Variants in GRAMD1C observed in about 807,000 individuals in gnomAD.
GRAMD1C encodes GRAM domain containing 1C, also known as protein Aster-C.
In GRAMD1C, 89 loss-of-function variants were observed where a neutral mutation model predicts 97.8. That is an observed-to-expected ratio of 0.91 (90% CI 0.77 to 1.09). The LOEUF is 1.09. GRAMD1C is among the 50% of genes least tolerant of loss of function. The probability of loss-of-function intolerance (pLI) is 0.00; values close to 1 mark genes in which losing one functional copy is unlikely to be tolerated. For missense variants in GRAMD1C, 740 were observed against 766.4 expected, an observed-to-expected ratio of 0.97 and a Z score of 0.41; for synonymous variants, 256 against 267.0, an observed-to-expected ratio of 0.96 and a Z score of 0.40.
intron 5 of GRAMD1C, among the ~76,000 whole-genome samples, chr3:113,878,374 A>ATT (rs559908366): frequency 6.1e-4 from 93 of 152,144 alleles, no homozygotes; most frequent in Middle Eastern, 3.4e-3. Context: ...GGGATCAACC[A>ATT]TTTCTCCAAG....
At chr3:113,938,386 G>A (rs1937624286) in intron 15 of GRAMD1C, 3 of 323,390 alleles carry the variant, frequency 9.3e-6, no homozygotes, top group East Asian at 1.1e-4. Flanking sequence ...TTATTTTTTA[G>A]CTAATCTGAT....
chr3:113,879,199 C>T lies in GRAMD1C; in HGVS notation c.459+2939C>T, dbSNP rs565512983. Among the ~76,000 whole-genome samples, 4 of 88,968 alleles carry T rather than the reference C, an allele frequency of 4.5e-5. No individual in the cohort carries two copies. In the Admixed American group the frequency reaches 4.6e-4, roughly 10 times the overall value. The allele number at this position is 88,968 out of a possible 152,430, so 58.4% of individuals were successfully genotyped here. A position where few individuals can be genotyped will look rare whatever the true frequency, so the allele number is the denominator to read the frequency against. The stretch of plus-strand genomic sequence containing the variant: ...CAGCCTGGGTGACAGAGTGAGACTC[C>T]GTCTCAAAAAAAAAAAACCAAAAAA... On this transcript the variant is annotated intron_variant, in intron 5 of 17. Transcript: ENST00000358160.
At chr3:113,851,361 G>A (rs1024128661) in intron 2 of GRAMD1C, among the ~76,000 whole-genome samples, 12 of 152,048 alleles carry the variant, frequency 7.9e-5, no homozygotes, top group African/African-American at 2.4e-4. Flanking sequence ...ATTAGAGTTC[G>A]AATTGATTTT....
intron 10 of GRAMD1C, among the ~76,000 whole-genome samples, chr3:113,918,084 A>G (rs1323049985): frequency 2.0e-5 from 3 of 152,094 alleles, no homozygotes; most frequent in Non-Finnish European, 4.4e-5. Context: ...ATTATTGATG[A>G]TAGAGTAGCA....
At chr3:113,896,114 T>C (rs1434091495) in intron 6 of GRAMD1C, among the ~76,000 whole-genome samples, 1 of 152,164 alleles carries the variant, frequency 6.6e-6, no homozygotes, top group Non-Finnish European at 1.5e-5. Flanking sequence ...CTCCTCTCCC[T>C]GCCTCACTCT....
chr3:113,859,934 T>C (rs1240939367), intron 2 of GRAMD1C, among the ~76,000 whole-genome samples: 1 of 152,218 alleles, frequency 6.6e-6, no homozygotes, highest in Non-Finnish European at 1.5e-5. Flanking sequence ...CCAAAGCTAA[T>C]TGTAATTCTA....
At chr3:113,855,499 T>A (rs1934086831) in intron 2 of GRAMD1C, among the ~76,000 whole-genome samples, 1 of 150,818 alleles carries the variant, frequency 6.6e-6, no homozygotes, top group South Asian at 2.1e-4. Flanking sequence ...AGGCCAGGAG[T>A]TCGAGATCAG....
chr3:113,930,913 A>G (rs757739735), intron 11 of GRAMD1C, 81 bp downstream of exon 11: 10 of 699,020 alleles, frequency 1.4e-5, no homozygotes, highest in Admixed American at 9.1e-5. Context: ...CCAATTTACA[A>G]GACAGTTTCA....
In GRAMD1C at chr3:113,844,565, T is replaced by C; in HGVS notation, c.90T>C (p.Pro30=). Residue 30 remains proline (P), a synonymous_variant, in exon 2 of 18, where the codon CCT becomes CCC. Coordinates refer to ENST00000358160, the MANE Select transcript of GRAMD1C (RefSeq NM_017577.5). ...TDLQEDVEEN[P]SPTVEENNVV... is the part of the protein sequence containing the mutation. The stretch of plus-strand genomic sequence containing the variant: ...TACAGGAAGATGTAGAGGAAAATCC[T>C]AGTCCAACTGTGGAAGAGAATAATG... The C allele has an allele frequency of 2.5e-6, 4 of 1,604,440 alleles. No individual in the cohort carries two copies. Among genetic ancestry groups the C allele is most frequent in the Middle Eastern group, 1.7e-4 (1 of 6,044 alleles).
At chr3:113,896,530 A>G (rs558211241) in intron 6 of GRAMD1C, among the ~76,000 whole-genome samples, 1 of 152,334 alleles carries the variant, frequency 6.6e-6, no homozygotes, top group East Asian at 1.9e-4. Context: ...CAGTTGTGGT[A>G]CAGTTAATGT....
chr3:113,890,707 A>T (rs977331795), intron 6 of GRAMD1C: 6 of 698,860 alleles, frequency 8.6e-6, no homozygotes, highest in Admixed American at 4.0e-5. Flanking sequence ...ATGCTTGGTT[A>T]TATACTGTAT....
intron 6 of GRAMD1C, among the ~76,000 whole-genome samples, chr3:113,887,085 GTTTTT>G (rs531763397): frequency 5.6e-5 from 4 of 71,454 alleles, no homozygotes; most frequent in Non-Finnish European, 8.7e-5. Context: ...TGGCCTTTTT[GTTTTT>G]TTTTTGTTTT....
chr3:113,881,987 C>T (rs1935284900), intron 5 of GRAMD1C, among the ~76,000 whole-genome samples: 1 of 152,076 alleles, frequency 6.6e-6, no homozygotes, highest in Non-Finnish European at 1.5e-5. Flanking sequence ...CTTAATCCAG[C>T]ATAGAACTGA....
chr3:113,831,978 G>GTGTACCT (rs1234402409), intron 1 of GRAMD1C, among the ~76,000 whole-genome samples: 21 of 152,026 alleles, frequency 1.4e-4, no homozygotes, highest in African/African-American at 4.8e-4. Flanking sequence ...TTGTTTCTTT[G>GTGTACCT]TGTACCTTAT....
At chr3:113,841,728 T>C in intron 1 of GRAMD1C, among the ~76,000 whole-genome samples, 1 of 152,186 alleles carries the variant, frequency 6.6e-6, no homozygotes, top group East Asian at 1.9e-4. Context: ...GACAGAGTCT[T>C]GCTCTGTCAC....
chr3:113,830,484 C>T (rs186715535), intron 1 of GRAMD1C, among the ~76,000 whole-genome samples: 22 of 152,268 alleles, frequency 1.4e-4, no homozygotes, highest in East Asian at 1.4e-3. Context: ...AGGACTCTTA[C>T]CCTTACTATC....
intron 1 of GRAMD1C, among the ~76,000 whole-genome samples, chr3:113,833,154 G>A (rs1186114024): frequency 7.5e-6 from 1 of 132,800 alleles, no homozygotes; most frequent in Non-Finnish European, 1.6e-5. Context: ...GCGTGTGTGT[G>A]TGTGACGAGT....
intron 9 of GRAMD1C, among the ~76,000 whole-genome samples, chr3:113,910,346 G>A (rs1936521676): frequency 6.6e-6 from 1 of 152,232 alleles, no homozygotes; most frequent in African/African-American, 2.4e-5. Flanking sequence ...TCACGCCACT[G>A]CACTCCAGCC....
chr3:113,907,269 A>G (rs1936404356), intron 8 of GRAMD1C, among the ~76,000 whole-genome samples: 1 of 152,230 alleles, frequency 6.6e-6, no homozygotes, highest in South Asian at 2.1e-4. Context: ...ACATTGAATG[A>G]AAATATATTT....
Sources: gnomAD v4.1 joint callset for allele counts (sites outside exome capture counted in the v4.1 genomes callset) on GRCh38, gnomAD v4.1.1 for gene constraint, MANE v1.5 for transcripts, NCBI Gene and HGNC (gene_info 2026-07-23, HGNC 2026-07-21) for gene names.